GATA4: variants seen among roughly 807,000 people sequenced by gnomAD.
GATA4 encodes the protein transcription factor GATA-4.
A neutral mutation model predicts 37.9 loss-of-function variants in GATA4; 7 were observed. That is an observed-to-expected ratio of 0.18 (90% CI 0.11 to 0.35). The LOEUF (loss-of-function observed/expected upper bound fraction) is 0.35, where lower values mean the gene tolerates loss of function less well. Among genes scored for constraint, GATA4 ranks in the 10% least tolerant of loss-of-function variants. The pLI, the probability that GATA4 is intolerant of heterozygous loss-of-function variation, is 1.00. For missense variants in GATA4, 647 were observed against 653.0 expected, an observed-to-expected ratio of 0.99 and a Z score of 0.10; for synonymous variants, 372 against 292.6, an observed-to-expected ratio of 1.27 and a Z score of -2.77.
Position 11,686,819 on chromosome 8 carries a change from G to A in GATA4, c.-274+9756G>A, listed in dbSNP as rs567717440. Among the ~76,000 whole-genome samples, 193 of 152,198 alleles carry A rather than the reference G, an allele frequency of 1.3e-3. 1 individual carries two copies. The highest frequency in any genetic ancestry group is 3.8e-3 in the African/African-American group (159 of 41,492). On this transcript the variant is annotated intron_variant, in intron 1 of 6. Coordinates refer to the GATA4 transcript ENST00000528712. ...TCGAGACCAGCCTGACCAACATGAT[G>A]AAACCCCGTTTCTACTAAAAATACA...
At chr8:11,733,657 G>C (rs1801311460) in intron 2 of GATA4, among the ~76,000 whole-genome samples, 1 of 152,250 alleles carries the variant, frequency 6.6e-6, no homozygotes, top group Non-Finnish European at 1.5e-5. Flanking sequence ...GAAGAGAGAA[G>C]TAGATCTGTG....
intron 1 of GATA4, chr8:11,680,895 A>AC (rs1798946679): frequency 1.0e-6 from 1 of 985,026 alleles, no homozygotes; most frequent in Non-Finnish European, 1.2e-6. Flanking sequence ...CCTGTGTGAG[A>AC]CCCCTAAAGA....
upstream of GATA4, chr8:11,700,414 CAAGA>C (rs1799634511): frequency 6.6e-6 from 1 of 152,254 alleles, no homozygotes; most frequent in South Asian, 2.1e-4. Flanking sequence ...TCCGTATCCC[CAAGA>C]AAGAGTGTCC....
At position 11,755,143 on chromosome 8, in the gene GATA4, A is replaced by G; in HGVS notation, c.1000+10A>G. The G allele has an allele frequency of 6.2e-7, 1 of 1,600,860 alleles. No individual in the cohort carries two copies. Among genetic ancestry groups the G allele is most frequent in the Non-Finnish European group, 8.6e-7 (1 of 1,168,274 alleles). ...TCTAAGACACCAGCAGGTGAGGAAAAGATCTGTGAGTGATTATATGAGTAC... is the reference window on the plus strand; with the variant it reads ...TCTAAGACACCAGCAGGTGAGGAAAGGATCTGTGAGTGATTATATGAGTAC... On this transcript the variant is annotated intron_variant, in intron 5 of 6. Transcript: ENST00000532059.
At chr8:11,681,344 ATTTCC>A in intron 1 of GATA4, 13 of 985,224 alleles carry the variant, frequency 1.3e-5, no homozygotes, top group Non-Finnish European at 1.6e-5. Flanking sequence ...AACCCATCAA[ATTTCC>A]AGCACTCGTC....
chr8:11,729,631 G>C (rs1801107999), intron 2 of GATA4, among the ~76,000 whole-genome samples: 1 of 152,104 alleles, frequency 6.6e-6, no homozygotes, highest in Admixed American at 6.5e-5. Context: ...AGTAGTGTGT[G>C]TTCTGAGAAA....
At chr8:11,692,010 T>C (rs1380604414), upstream of GATA4, 2 of 985,390 alleles carry the variant, frequency 2.0e-6, no homozygotes, top group Non-Finnish European at 2.4e-6. Context: ...GGGAGACTGC[T>C]TCGCAGGGGA....
chr8:11,681,430 C>A, intron 1 of GATA4: 1 of 983,968 alleles, frequency 1.0e-6, no homozygotes, highest in Non-Finnish European at 1.2e-6. Context: ...GGGGCCGTAG[C>A]TACGATCCCC....
In GATA4 at chr8:11,749,845, G is replaced by T. The variant is rs542127475; in HGVS notation, c.787-266G>T. ...GCGCTCACTGGTTATTCGCCTGACG[G>T]TGAATGATGGTTAGGACTGGAAACC... On this transcript the variant is annotated intron_variant, in intron 3 of 6. Transcript: ENST00000532059. The surrounding 1 kb of genome is among the most constrained non-coding windows in gnomAD (Gnocchi z 4.6). Among the ~76,000 whole-genome samples, 1 of 152,334 alleles carries T rather than the reference G, an allele frequency of 6.6e-6. No homozygotes were observed. Among genetic ancestry groups the T allele is most frequent in the Admixed American group, 6.5e-5 (1 of 15,308 alleles).
chr8:11,706,575 A>G, intron 1 of GATA4, among the ~76,000 whole-genome samples: 1 of 152,246 alleles, frequency 6.6e-6, no homozygotes, highest in East Asian at 1.9e-4. Context: ...AGGCTAAGTA[A>G]TTTGTCTAAA....
In GATA4 at chr8:11,708,001, T is replaced by G; in HGVS notation, c.-312T>G. 1 of 403,842 alleles carries G rather than the reference T, an allele frequency of 2.5e-6. No individual in the cohort carries two copies. Among genetic ancestry groups the G allele is most frequent in the Non-Finnish European group, 4.7e-6 (1 of 213,390 alleles). The allele number at this position is 403,842 out of a possible 1,614,324, so 25.0% of individuals were successfully genotyped here. On this transcript the variant is annotated 5_prime_UTR_variant, in exon 2 of 7. Transcript: ENST00000532059. The surrounding 1 kb of genome is among the most constrained non-coding windows in gnomAD (Gnocchi z 6.7). Reference sequence around the variant, plus strand: ...CAGGCCTGGACGCTGCCCTCCGTCTTCTGCCCCCAATAGGTGCGCCGGACC... The same window carrying G: ...CAGGCCTGGACGCTGCCCTCCGTCTGCTGCCCCCAATAGGTGCGCCGGACC...
chr8:11,757,761 C>T (rs1802673946), intron 6 of GATA4, among the ~76,000 whole-genome samples: 3 of 152,234 alleles, frequency 2.0e-5, no homozygotes, highest in Non-Finnish European at 4.4e-5. Context: ...CTCCCTGCCT[C>T]CTCCCCTCTG....
At chr8:11,723,795 T>G (rs1800786221) in intron 2 of GATA4, among the ~76,000 whole-genome samples, 2 of 152,228 alleles carry the variant, frequency 1.3e-5, no homozygotes, top group Admixed American at 1.3e-4. Flanking sequence ...ATTCATCTTT[T>G]TAAAAAAATT....
At chr8:11,748,783 C>A in intron 2 of GATA4, 133 bp from the exon 3 acceptor site, 1 of 981,346 alleles carries the variant, frequency 1.0e-6, no homozygotes, top group Non-Finnish European at 1.6e-6. Context: ...AGAGCAAGAG[C>A]AGCCCGAGGT....
At chr8:11,706,947 T>C (rs1276569296) in intron 1 of GATA4, among the ~76,000 whole-genome samples, 3 of 152,198 alleles carry the variant, frequency 2.0e-5, no homozygotes, top group Admixed American at 1.3e-4. Flanking sequence ...AAAAATTGCC[T>C]GATAATAACA....
chr8:11,710,874 C>A (rs536395403), intron 2 of GATA4, among the ~76,000 whole-genome samples: 1 of 152,284 alleles, frequency 6.6e-6, no homozygotes, highest in Admixed American at 6.5e-5. Flanking sequence ...GTAATCCCAG[C>A]ACTTTGGGAG....
intron 1 of GATA4, among the ~76,000 whole-genome samples, chr8:11,678,440 G>A (rs1318140536): frequency 2.0e-5 from 3 of 152,168 alleles, no homozygotes; most frequent in Non-Finnish European, 4.4e-5. Flanking sequence ...TCTTTCCCCT[G>A]CCCAACTCTC....
intron 1 of GATA4, chr8:11,681,472 C>G: frequency 3.1e-6 from 3 of 964,896 alleles, no homozygotes; most frequent in Non-Finnish European, 2.4e-6. Flanking sequence ...GCCCGGTCCC[C>G]GCGCGGGGTG....
At chr8:11,695,374 C>G (rs1799474364) in intron 1 of GATA4, among the ~76,000 whole-genome samples, 1 of 152,012 alleles carries the variant, frequency 6.6e-6, no homozygotes, top group Non-Finnish European at 1.5e-5. Context: ...CCTTTGCACT[C>G]CAGCCTGGGC....
Sources: gnomAD v4.1 joint callset for allele counts (sites outside exome capture counted in the v4.1 genomes callset) on GRCh38, gnomAD v4.1.1 for gene constraint, Gnocchi (gnomAD v3.1) non-coding constraint, MANE v1.5 for transcripts, NCBI Gene and HGNC (gene_info 2026-07-23, HGNC 2026-07-21) for gene names.